UBE2H: variants seen among roughly 807,000 people sequenced by gnomAD.
The protein encoded by UBE2H is ubiquitin-conjugating enzyme E2 H.
In UBE2H, 3 loss-of-function variants were observed where a neutral mutation model predicts 29.0. That is an observed-to-expected ratio of 0.10 (90% confidence interval 0.05 to 0.27). UBE2H has a LOEUF of 0.27. Ranked by LOEUF, UBE2H falls within the 10% of genes least tolerant of loss-of-function variation. The probability of loss-of-function intolerance (pLI) is 1.00; values close to 1 mark genes in which losing one functional copy is unlikely to be tolerated. For synonymous variants in UBE2H, 69 were observed against 82.9 expected (o/e 0.83, Z 0.91); for missense variants, 68 against 228.2 (o/e 0.30, Z 4.52).
intron 3 of UBE2H, among the ~76,000 whole-genome samples, chr7:129,868,350 G>A (rs1805954763): frequency 6.6e-6 from 1 of 152,006 alleles, no homozygotes; most frequent in Admixed American, 6.6e-5. Flanking sequence ...GGAGGCCGAG[G>A]CGGGTGGATC....
intron 2 of UBE2H, 37 bp downstream of exon 2, chr7:129,880,858 C>A: frequency 6.4e-7 from 1 of 1,554,974 alleles, no homozygotes; most frequent in Non-Finnish European, 8.8e-7. Context: ...GAGTAAAAGA[C>A]TGTAATAGAA....
At chr7:129,904,317 G>A (rs536831489) in intron 1 of UBE2H, among the ~76,000 whole-genome samples, 8 of 151,478 alleles carry the variant, frequency 5.3e-5, no homozygotes, top group Non-Finnish European at 1.0e-4. Context: ...TGGGGATCTC[G>A]CTGTGTTGGC....
At chr7:129,947,256 A>C (rs529036254) in intron 1 of UBE2H, among the ~76,000 whole-genome samples, 1 of 152,242 alleles carries the variant, frequency 6.6e-6, no homozygotes, top group Non-Finnish European at 1.5e-5. Context: ...CCAGTATGTT[A>C]TATTTGTCAC....
intron 5 of UBE2H, among the ~76,000 whole-genome samples, chr7:129,848,818 T>C (rs1029805954): frequency 2.7e-5 from 4 of 147,154 alleles, no homozygotes; most frequent in African/African-American, 9.9e-5. Flanking sequence ...ATCTACTATA[T>C]GCACAAAAAC....
chr7:129,927,270 G>A (rs1280316474), intron 1 of UBE2H, among the ~76,000 whole-genome samples: 1 of 152,030 alleles, frequency 6.6e-6, no homozygotes, highest in Non-Finnish European at 1.5e-5. Context: ...CGCCAGGTGC[G>A]GTGGCTCATG....
At chr7:129,870,468 T>A (rs1526323) in intron 3 of UBE2H, among the ~76,000 whole-genome samples, 28,833 of 151,982 alleles carry the variant, frequency 0.19, 3,103 homozygotes, top group African/African-American at 0.29. Context: ...TGCAAAAAAA[T>A]TAGCCAAGCG....
chr7:129,904,355 A>G (rs1203533916), intron 1 of UBE2H, among the ~76,000 whole-genome samples: 1 of 151,924 alleles, frequency 6.6e-6, no homozygotes, highest in Non-Finnish European at 1.5e-5. Flanking sequence ...CCTGGCCTTA[A>G]GCGATCCTCT....
Position 129,831,595 on chromosome 7 carries a change from G to C in UBE2H, c.*3342C>G, listed in dbSNP as rs1805227968. ...GGCAGTCAGAACAGCTTTTGAAGTG[G>C]ATGAGAAATGTTAGGTACTGGAGAG... On this transcript the variant is annotated 3_prime_UTR_variant, in exon 7 of 7. Transcript: ENST00000355621. The C allele has an allele frequency of 6.6e-6, 1 of 152,208 alleles. No homozygotes were observed. Among genetic ancestry groups the C allele is most frequent in the South Asian group, 2.1e-4 (1 of 4,818 alleles). 9.4% of individuals were successfully genotyped at this position (152,208 alleles called of 1,614,324 possible). A position where few individuals can be genotyped will look rare whatever the true frequency, so the allele number is the denominator to read the frequency against.
chr7:129,918,256 G>A (rs1000790314), intron 1 of UBE2H, among the ~76,000 whole-genome samples: 3 of 152,076 alleles, frequency 2.0e-5, no homozygotes, highest in African/African-American at 7.2e-5. Context: ...CTTTCTAAAG[G>A]AAGTTCTTTT....
intron 1 of UBE2H, among the ~76,000 whole-genome samples, chr7:129,907,725 CA>C (rs139908713): frequency 0.048 from 7,291 of 152,104 alleles, 196 homozygotes; most frequent in South Asian, 0.13. Context: ...ATACATGTGT[CA>C]AAACTCATCA....
intron 1 of UBE2H, among the ~76,000 whole-genome samples, chr7:129,885,936 C>A (rs1806351278): frequency 6.6e-6 from 1 of 152,196 alleles, no homozygotes; most frequent in East Asian, 1.9e-4. Flanking sequence ...GAGTTTCTTT[C>A]TCCTCTCTGC....
chr7:129,840,366 TA>T (rs1433678064), intron 5 of UBE2H, among the ~76,000 whole-genome samples: 1 of 151,860 alleles, frequency 6.6e-6, no homozygotes, highest in Admixed American at 6.6e-5. Context: ...TTTTTTTTTT[TA>T]AATAGAGACA....
At chr7:129,947,855 G>A (rs759832780) in intron 1 of UBE2H, among the ~76,000 whole-genome samples, 5 of 151,928 alleles carry the variant, frequency 3.3e-5, no homozygotes, top group Non-Finnish European at 5.9e-5. Context: ...AAACATATGA[G>A]GATTTTTTTT....
At chr7:129,910,662 G>A (rs1806916907) in intron 1 of UBE2H, among the ~76,000 whole-genome samples, 1 of 151,178 alleles carries the variant, frequency 6.6e-6, no homozygotes, top group Non-Finnish European at 1.5e-5. Context: ...AAGGCTGATT[G>A]TCTGAGGTCT....
chr7:129,921,727 A>G (rs979231119), intron 1 of UBE2H, among the ~76,000 whole-genome samples: 1 of 151,358 alleles, frequency 6.6e-6, no homozygotes, highest in Non-Finnish European at 1.5e-5. Context: ...CTGACTTCAT[A>G]AATTATTAGA....
At chr7:129,904,577 AC>A (rs1806778939) in intron 1 of UBE2H, among the ~76,000 whole-genome samples, 1 of 151,928 alleles carries the variant, frequency 6.6e-6, no homozygotes, top group Admixed American at 6.6e-5. Context: ...ATCCTCCCTC[AC>A]CTCGAACGAA....
chr7:129,842,187 T>G (rs1242545625), intron 5 of UBE2H, among the ~76,000 whole-genome samples: 1 of 151,370 alleles, frequency 6.6e-6, no homozygotes, highest in African/African-American at 2.4e-5. Context: ...TCCCAGCACT[T>G]TGGTAGGCCA....
At chr7:129,894,026 A>G (rs1223128541) in intron 1 of UBE2H, among the ~76,000 whole-genome samples, 2 of 152,202 alleles carry the variant, frequency 1.3e-5, no homozygotes, top group African/African-American at 4.8e-5. Context: ...ATGGAGGCAC[A>G]CACCTATAAT....
chr7:129,877,030 C>T (rs1806157778), intron 3 of UBE2H, among the ~76,000 whole-genome samples: 1 of 151,878 alleles, frequency 6.6e-6, no homozygotes, highest in African/African-American at 2.4e-5. Context: ...ATAATGACAC[C>T]CTTTAAGGGA....
Sources: allele counts gnomAD v4.1 joint callset (sites outside exome capture counted in the v4.1 genomes callset), GRCh38; gene constraint gnomAD v4.1.1; transcripts MANE v1.5; gene names NCBI Gene and HGNC (gene_info 2026-07-23, HGNC 2026-07-21).